BAIAP2: variants seen among roughly 807,000 people sequenced by gnomAD.
BAIAP2 encodes the protein BAR/IMD domain containing adaptor protein 2.
Under a neutral mutation model 63.0 loss-of-function variants are expected in BAIAP2, and 18 were observed. That is an observed-to-expected ratio of 0.29 (90% confidence interval 0.20 to 0.42). The LOEUF is 0.42. Ranked by LOEUF, BAIAP2 falls within the 10% of genes least tolerant of loss-of-function variation. BAIAP2 has a pLI of 1.00. For synonymous variants in BAIAP2, 386 were observed against 307.6 expected, an observed-to-expected ratio of 1.25 and a Z score of -2.67; for missense variants, 610 against 734.3, an observed-to-expected ratio of 0.83 and a Z score of 1.96.
At chr17:81,063,743 G>C (rs1199682482) in intron 3 of BAIAP2, 1 of 152,322 alleles carries the variant, frequency 6.6e-6, no homozygotes, top group Non-Finnish European at 1.5e-5. Flanking sequence ...TGGTTCGTTT[G>C]GTTGGGTGTT....
At chr17:81,053,631 C>T in intron 1 of BAIAP2, 37 bp from the exon 2 acceptor site, 1 of 1,612,426 alleles carries the variant, frequency 6.2e-7, no homozygotes, top group East Asian at 2.2e-5. Context: ...AGGGTGACCT[C>T]TGCCAGTAAT....
intron 13 of BAIAP2, chr17:81,110,949 G>A: frequency 6.2e-7 from 1 of 1,613,920 alleles, no homozygotes; most frequent in Admixed American, 1.7e-5. Context: ...TGAGCCGCCT[G>A]ACTAGAGTTA....
intron 13 of BAIAP2, chr17:81,109,493 T>G (rs1006874125): frequency 2.6e-5 from 26 of 985,456 alleles, no homozygotes; most frequent in Non-Finnish European, 3.1e-5. Flanking sequence ...GCATCCGACT[T>G]CCCCGGTGCG....
rs762128990 is a variant in BAIAP2 at position 81,104,017 on chromosome 17, T to C, written c.975T>C (p.Ser325=). ...AGGCTGCCCAGCCCAAATCCCTGTCTCCTCCGCAGTCTCAGAGCAAGCTCA... is the reference window on the plus strand; with the variant it reads ...AGGCTGCCCAGCCCAAATCCCTGTCCCCTCCGCAGTCTCAGAGCAAGCTCA... The part of the protein sequence containing the change: ...DRKAAQPKSL[S]PPQSQSKLSD... Residue 325 remains serine (S), a synonymous_variant, in exon 9 of 14, where the codon TCT becomes TCC. Transcript: ENST00000428708. The C allele has an allele frequency of 9.9e-6, 16 of 1,613,046 alleles. No individual in the cohort carries two copies. The highest frequency in any genetic ancestry group is 1.3e-5 in the African/African-American group (1 of 74,900).
At chr17:81,071,072 G>A (rs975445653) in intron 3 of BAIAP2, among the ~76,000 whole-genome samples, 27 of 150,756 alleles carry the variant, frequency 1.8e-4, no homozygotes, top group South Asian at 2.1e-4. Flanking sequence ...GTCAGCTACC[G>A]TCATCACCAT....
chr17:81,057,692 G>T, intron 2 of BAIAP2, 189 bp from the exon 3 acceptor site: 1 of 1,383,708 alleles, frequency 7.2e-7, no homozygotes, highest in South Asian at 1.8e-5. Context: ...CATGATTGGG[G>T]TGAAACAAGA....
intron 3 of BAIAP2, among the ~76,000 whole-genome samples, chr17:81,081,165 A>G (rs1450113336): frequency 1.3e-5 from 2 of 152,206 alleles, no homozygotes; most frequent in Non-Finnish European, 2.9e-5. Context: ...CCTCAGTCAC[A>G]GGAACACCAT....
At chr17:81,093,253 G>T (rs1293770026) in intron 6 of BAIAP2, among the ~76,000 whole-genome samples, 3 of 152,180 alleles carry the variant, frequency 2.0e-5, no homozygotes, top group African/African-American at 7.2e-5. Context: ...CACTGGGCAT[G>T]GGCTCGACTT....
chr17:81,116,207 T>TAAAC lies in BAIAP2; in HGVS notation c.*370_*373dup, dbSNP rs775524564. On this transcript the variant is annotated 3_prime_UTR_variant, in exon 14 of 14. Transcript: ENST00000428708. ...CTGCCCTGCTGCTTCTCCTGCCTAA[T>TAAAC]AAACAGGCTTCTCCTGCACCAGGTG... 4.9e-5 allele frequency: 79 copies of TAAAC among 1,609,032 alleles called. No homozygotes were observed. Among genetic ancestry groups the TAAAC allele is most frequent in the Admixed American group, 3.3e-4 (20 of 59,980 alleles).
rs777925459 is a variant in BAIAP2 at position 81,115,826 on chromosome 17, C to A, written c.1592C>A (p.Pro531His). Residue 531 changes from proline (P) to histidine (H), a missense_variant, in exon 14 of 14, where the codon CCC becomes CAC. Physicochemically the swap from Pro to His is moderately conservative, Grantham distance 77. Transcript: ENST00000428708. ...ACAGTGACCAACGACAGGTCTGCCC[C>A]CCTCCTCAGCTGATGGCCACATCTG... ...KPTVTNDRSAPLLS is the reference protein window; with the variant it reads ...KPTVTNDRSAHLLS The A allele has an allele frequency of 6.2e-7, 1 of 1,613,378 alleles. No homozygotes were observed. The highest frequency in any genetic ancestry group is 8.5e-7 in the Non-Finnish European group (1 of 1,180,018).
chr17:81,090,847 TG>T (rs1412238422), intron 6 of BAIAP2, among the ~76,000 whole-genome samples: 1 of 152,100 alleles, frequency 6.6e-6, no homozygotes, highest in African/African-American at 2.4e-5. Flanking sequence ...CACCCAGGGC[TG>T]TTCCTGCTGG....
chr17:81,065,527 G>A (rs1212528843), intron 3 of BAIAP2, among the ~76,000 whole-genome samples: 2 of 152,204 alleles, frequency 1.3e-5, no homozygotes, highest in Admixed American at 6.5e-5. Flanking sequence ...TTCTTTGTGC[G>A]GGTGGAGGAC....
At chr17:81,101,879 T>C (rs2058534909) in intron 7 of BAIAP2, among the ~76,000 whole-genome samples, 1 of 152,136 alleles carries the variant, frequency 6.6e-6, no homozygotes, top group Admixed American at 6.5e-5. Flanking sequence ...CAGGGAGCGC[T>C]GTGGAGCGCA....
chr17:81,035,476 G>T (rs1354419607), intron 1 of BAIAP2, among the ~76,000 whole-genome samples, 168 bp downstream of exon 1: 1 of 148,564 alleles, frequency 6.7e-6, no homozygotes. Context: ...GGCTGCTGGG[G>T]TGGTGAGCCC....
At chr17:81,068,343 C>A (rs1250879133) in intron 3 of BAIAP2, among the ~76,000 whole-genome samples, 1 of 152,212 alleles carries the variant, frequency 6.6e-6, no homozygotes, top group Non-Finnish European at 1.5e-5. Context: ...GCAGGGGTCT[C>A]CCCCTCGGGC....
At chr17:81,064,018 C>T (rs1044351499) in intron 3 of BAIAP2, among the ~76,000 whole-genome samples, 18 of 152,316 alleles carry the variant, frequency 1.2e-4, no homozygotes, top group Non-Finnish European at 2.1e-4. Context: ...GACACCCGGC[C>T]GAGCAGGGCC....
intron 6 of BAIAP2, among the ~76,000 whole-genome samples, chr17:81,097,246 G>T (rs1340476516): frequency 6.6e-6 from 1 of 152,234 alleles, no homozygotes; most frequent in African/African-American, 2.4e-5. Flanking sequence ...TGGGAAAGCA[G>T]GGTGGGCTGC....
intron 1 of BAIAP2, among the ~76,000 whole-genome samples, chr17:81,051,204 G>A (rs1313909075): frequency 6.6e-6 from 1 of 151,796 alleles, no homozygotes; most frequent in Admixed American, 6.6e-5. Context: ...TAGGACAGAG[G>A]CCTGCGTGGT....
At chr17:81,057,578 G>C in intron 2 of BAIAP2, 1 of 1,050,882 alleles carries the variant, frequency 9.5e-7, no homozygotes, top group Non-Finnish European at 1.2e-6. Flanking sequence ...CCTCCCCCCG[G>C]CCCTGCCTGG....
Sources: allele counts gnomAD v4.1 joint callset (sites outside exome capture counted in the v4.1 genomes callset), GRCh38; gene constraint gnomAD v4.1.1; transcripts MANE v1.5; gene names NCBI Gene and HGNC (gene_info 2026-07-23, HGNC 2026-07-21).